The following FAM222A variants were observed in gnomAD, a reference collection of about 807,000 sequenced individuals.
The protein encoded by FAM222A is protein FAM222A.
Under a neutral mutation model 25.8 loss-of-function variants are expected in FAM222A, and 7 were observed. That is an observed-to-expected ratio of 0.27 (90% CI 0.15 to 0.51). FAM222A has a LOEUF of 0.51. Among genes scored for constraint, FAM222A ranks in the 20% least tolerant of loss-of-function variants. FAM222A has a pLI of 0.97. For synonymous variants in FAM222A, 294 were observed against 298.8 expected (o/e 0.98, Z 0.17); for missense variants, 573 against 640.5 (o/e 0.89, Z 1.14).
chr12:109,750,264 G>T (rs534518571), intron 2 of FAM222A, among the ~76,000 whole-genome samples: 3 of 152,128 alleles, frequency 2.0e-5, no homozygotes, highest in Non-Finnish European at 4.4e-5. Context: ...TGATGAAATT[G>T]GTAGATTTTT....
Position 109,770,203 on chromosome 12 carries a change from A to T in FAM222A, c.*915A>T, listed in dbSNP as rs761373749. On this transcript the variant is annotated 3_prime_UTR_variant, in exon 3 of 3. Transcript: ENST00000538780. ...TGGGACCCTCCTGGTTTTAACTGGG[A>T]GGCCCAGACCAACTCCTTTCCTGCA... is the stretch of plus-strand genomic sequence containing the variant. The T allele has an allele frequency of 6.6e-6, 1 of 152,490 alleles. No individual in the cohort carries two copies. Among genetic ancestry groups the T allele is most frequent in the Non-Finnish European group, 1.5e-5 (1 of 68,032 alleles). 9.4% of individuals were successfully genotyped at this position (152,490 alleles called of 1,614,324 possible). A position where few individuals can be genotyped will look rare whatever the true frequency, so the allele number is the denominator to read the frequency against.
chr12:109,750,035 C>T lies in FAM222A; in HGVS notation c.82+5807C>T, dbSNP rs1056639418. ...TTTTTCTTTTAATAGGAGAGTTTAG[C>T]CCATTTACATTTATTGATATGACAC... On this transcript the variant is annotated intron_variant, in intron 2 of 2. Transcript: ENST00000538780. Among the ~76,000 whole-genome samples the T allele has an allele frequency of 1.1e-4, 16 of 152,162 alleles. 1 individual carries two copies. Among genetic ancestry groups the T allele is most frequent in the Admixed American group, 7.2e-4 (11 of 15,286 alleles).
rs180897667 is a variant in FAM222A, at chr12:109,727,104, G to C, written c.-47+12207G>C. ...CCCCCTCCCTGTAGAGACTGGACGCGGCCCTGCCACACCTTACACCCCCTC... is the reference window on the plus strand; with the variant it reads ...CCCCCTCCCTGTAGAGACTGGACGCCGCCCTGCCACACCTTACACCCCCTC... On this transcript the variant is annotated intron_variant, in intron 1 of 2. Coordinates refer to ENST00000538780, the MANE Select transcript of FAM222A (RefSeq NM_032829.3). Among the ~76,000 whole-genome samples, 19 of 152,064 alleles carry C rather than the reference G, an allele frequency of 1.2e-4. 1 individual carries two copies. In the East Asian group the frequency reaches 3.7e-3, roughly 29 times the overall value.
At chr12:109,753,800 G>C (rs1054704196) in intron 2 of FAM222A, among the ~76,000 whole-genome samples, 1 of 151,210 alleles carries the variant, frequency 6.6e-6, no homozygotes, top group African/African-American at 2.4e-5. Flanking sequence ...AGGTGCCACT[G>C]CTTCCACTGA....
chr12:109,744,291 C>G (rs920203404), intron 2 of FAM222A, 63 bp downstream of exon 2: 4 of 1,544,522 alleles, frequency 2.6e-6, no homozygotes, highest in African/African-American at 1.4e-5. Context: ...CCATTCACCC[C>G]CCAGGATGTC....
intron 2 of FAM222A, among the ~76,000 whole-genome samples, chr12:109,753,565 G>A (rs1005453152): frequency 3.3e-5 from 5 of 152,028 alleles, no homozygotes; most frequent in Admixed American, 2.6e-4. Context: ...ATCCCGGGGG[G>A]GGGAGCCTCT....
In FAM222A at chr12:109,743,358, T is replaced by C. The variant is rs549284530; in HGVS notation, c.-46-743T>C. Among the ~76,000 whole-genome samples the C allele has an allele frequency of 1.5e-3, 221 of 152,284 alleles. 6 individuals are homozygous for C. In the South Asian group the frequency reaches 0.041, roughly 28 times the overall value. On this transcript the variant is annotated intron_variant, in intron 1 of 2. Coordinates refer to ENST00000538780, the MANE Select transcript of FAM222A (RefSeq NM_032829.3). Reference sequence around the variant, plus strand: ...CTGTGTGAATGTCAGGCTCTGGCCGTTGGGGAAGGTACCACACGGGCCTGT... The same window carrying C: ...CTGTGTGAATGTCAGGCTCTGGCCGCTGGGGAAGGTACCACACGGGCCTGT...
At chr12:109,754,860 T>C (rs1888672670) in intron 2 of FAM222A, among the ~76,000 whole-genome samples, 1 of 152,110 alleles carries the variant, frequency 6.6e-6, no homozygotes, top group Non-Finnish European at 1.5e-5. Context: ...TTAGTAGGGA[T>C]GGGGTCTCAC....
At chr12:109,745,226 T>A (rs2136347323) in intron 2 of FAM222A, among the ~76,000 whole-genome samples, 1 of 152,326 alleles carries the variant, frequency 6.6e-6, no homozygotes, top group African/African-American at 2.4e-5. Context: ...TGGAGACGCA[T>A]ATTTTACACA....
Position 109,769,488 on chromosome 12 carries a change from A to G in FAM222A, c.*200A>G. 4.6e-6 allele frequency: 3 copies of G among 645,542 alleles called. No homozygotes were observed. Among genetic ancestry groups the G allele is most frequent in the Middle Eastern group, 4.3e-4 (1 of 2,350 alleles). The allele number at this position is 645,542 out of a possible 1,614,324, so 40.0% of individuals were successfully genotyped here. The stretch of plus-strand genomic sequence containing the variant: ...ACCTCACATACCAAGGCCCCTCCCC[A>G]CCATCGGTTGCCCCAGGACACAGTG... On this transcript the variant is annotated 3_prime_UTR_variant, in exon 3 of 3. Coordinates refer to ENST00000538780, the MANE Select transcript of FAM222A (RefSeq NM_032829.3).
At chr12:109,755,937 C>T (rs751907081) in intron 2 of FAM222A, among the ~76,000 whole-genome samples, 24 of 152,192 alleles carry the variant, frequency 1.6e-4, no homozygotes, top group African/African-American at 5.8e-4. Flanking sequence ...TCCTTCAAGA[C>T]TGTTTTGGCT....
chr12:109,766,332 G>A (rs575863194), intron 2 of FAM222A, among the ~76,000 whole-genome samples: 108 of 152,354 alleles, frequency 7.1e-4, no homozygotes, highest in African/African-American at 2.5e-3. Context: ...GAGTCTGCCC[G>A]CCATGGCCCT....
chr12:109,746,530 A>G (rs368898499), intron 2 of FAM222A, among the ~76,000 whole-genome samples: 12 of 152,162 alleles, frequency 7.9e-5, no homozygotes, highest in South Asian at 4.1e-4. Context: ...TATGACTTAT[A>G]GTTTATTGGG....
At chr12:109,758,356 G>A (rs903263450) in intron 2 of FAM222A, among the ~76,000 whole-genome samples, 1 of 152,234 alleles carries the variant, frequency 6.6e-6, no homozygotes, top group African/African-American at 2.4e-5. Context: ...GTACCAGGCT[G>A]ACTGACATGC....
chr12:109,749,263 T>A (rs1393694718), intron 2 of FAM222A, among the ~76,000 whole-genome samples: 1 of 152,084 alleles, frequency 6.6e-6, no homozygotes, highest in African/African-American at 2.4e-5. Flanking sequence ...TGCACCACCA[T>A]GCCTGGCTAA....
rs1347738696 is a variant in FAM222A at position 109,744,170 on chromosome 12, C to T, written c.24C>T (p.Thr8=). MLACLQR[T]QNAPGQHLAC... is the part of the protein sequence containing the mutation. The stretch of plus-strand genomic sequence containing the variant: ...CCATGCTGGCCTGTCTGCAGAGGAC[C>T]CAGAACGCCCCGGGCCAACACCTGG... Residue 8 remains threonine, a synonymous_variant, in exon 2 of 3, where the codon ACC becomes ACT. Coordinates refer to ENST00000538780, the MANE Select transcript of FAM222A (RefSeq NM_032829.3). 6.2e-7 allele frequency: 1 copy of T among 1,613,288 alleles called. No individual in the cohort carries two copies. Among genetic ancestry groups the T allele is most frequent in the African/African-American group, 1.3e-5 (1 of 74,914 alleles).
intron 2 of FAM222A, among the ~76,000 whole-genome samples, chr12:109,751,246 C>A (rs1888552235): frequency 6.7e-6 from 1 of 149,510 alleles, no homozygotes; most frequent in Non-Finnish European, 1.5e-5. Context: ...TGTATATCTT[C>A]TTTGTGTTTT....
chr12:109,756,687 CTGGGA>C (rs1357290716), intron 2 of FAM222A, among the ~76,000 whole-genome samples: 1 of 152,142 alleles, frequency 6.6e-6, no homozygotes, highest in Non-Finnish European at 1.5e-5. Flanking sequence ...CCTTGCATTC[CTGGGA>C]TAAGTCCCAC....
At chr12:109,764,328 G>A (rs1050611415) in intron 2 of FAM222A, among the ~76,000 whole-genome samples, 1 of 152,052 alleles carries the variant, frequency 6.6e-6, no homozygotes, top group Admixed American at 6.5e-5. Flanking sequence ...GAGGGACCAG[G>A]TCACCCTCAA....
Sources: allele counts gnomAD v4.1 joint callset (sites outside exome capture counted in the v4.1 genomes callset), GRCh38; gene constraint gnomAD v4.1.1; transcripts MANE v1.5; gene names NCBI Gene and HGNC (gene_info 2026-07-23, HGNC 2026-07-21).